The following DSP variants were observed in gnomAD, a reference collection of about 807,000 sequenced individuals.
The protein encoded by DSP is desmoplakin.
Under a neutral mutation model 290.6 loss-of-function variants are expected in DSP, and 114 were observed. That is an observed-to-expected ratio of 0.39 (90% CI 0.34 to 0.46). DSP has a LOEUF of 0.46. DSP is among the 20% of genes least tolerant of loss of function. The pLI is 0.99. For missense variants in DSP, 3,230 were observed against 3,495.8 expected (o/e 0.92, Z 1.92); for synonymous variants, 1,311 against 1,316.4 (o/e 1.00, Z 0.09).
intron 1 of DSP, among the ~76,000 whole-genome samples, chr6:7,554,825 T>C (rs1758458552): frequency 6.9e-6 from 1 of 144,806 alleles, no homozygotes; most frequent in Non-Finnish European, 1.5e-5. Context: ...AAAAACAATC[T>C]TTTTTTTTTT....
chr6:7,568,454 C>T lies in DSP; in HGVS notation c.1284C>T (p.Ile428=), dbSNP rs867843559. The T allele has an allele frequency of 6.2e-7, 1 of 1,614,070 alleles. No homozygotes were observed. The highest frequency in any genetic ancestry group is 8.5e-7 in the Non-Finnish European group (1 of 1,180,018). The change falls in exon 11 of 24, where the codon ATC becomes ATT. Residue 428 remains isoleucine (I), a synonymous_variant. Coordinates refer to ENST00000379802, the MANE Select transcript of DSP (RefSeq NM_004415.4). ...IKELEKEREK[I]LEYKRQVQNL... is the part of the protein sequence containing the mutation. ...CATTGCAGAAAGAACGAGAGAAAAT[C>T]CTTGAATACAAGCGTCAGGTGCAGA...
chr6:7,565,661 C>T lies in DSP; in HGVS notation c.939+141C>T. The T allele has an allele frequency of 8.4e-7, 1 of 1,191,510 alleles. No homozygotes were observed. 73.8% of individuals were successfully genotyped at this position (1,191,510 alleles called of 1,614,324 possible). On this transcript the variant is annotated intron_variant, in intron 7 of 23. Coordinates refer to ENST00000379802, the MANE Select transcript of DSP (RefSeq NM_004415.4). The surrounding 1 kb of genome is among the most constrained non-coding windows in gnomAD (Gnocchi z 4.2). ...CTTCTTTGAAATGGTCGTGAAAAAT[C>T]CTTCCTTCCTGAAAACTTCTCCGTG...
chr6:7,577,575 G>T (rs1025675925), intron 20 of DSP, among the ~76,000 whole-genome samples: 3 of 152,106 alleles, frequency 2.0e-5, no homozygotes, highest in Non-Finnish European at 2.9e-5. Flanking sequence ...GGATCTGCCC[G>T]GCTCGGCCTC....
intron 2 of DSP, 141 bp downstream of exon 2, chr6:7,555,961 C>CA (rs1458700613): frequency 3.1e-5 from 23 of 746,888 alleles, no homozygotes; most frequent in Non-Finnish European, 4.9e-5. Flanking sequence ...GAACAGACTA[C>CA]AGAGAGATGT....
At chr6:7,576,505 T>C in intron 19 of DSP, 49 bp downstream of exon 19, 2 of 1,608,018 alleles carry the variant, frequency 1.2e-6, no homozygotes, top group Non-Finnish European at 8.5e-7. Flanking sequence ...TAATTGGGTG[T>C]AATTCATGTT....
chr6:7,548,396 G>A (rs1377427632), intron 1 of DSP, among the ~76,000 whole-genome samples: 1 of 152,196 alleles, frequency 6.6e-6, no homozygotes, highest in Non-Finnish European at 1.5e-5. Flanking sequence ...CCAGGAGGGG[G>A]GTGTTCTACC....
Position 7,582,871 on chromosome 6 carries a change from A to G in DSP, c.5609A>G (p.Gln1870Arg), listed in dbSNP as rs769248361. Reference protein sequence around the residue: ...IQNDLNQWKTQYSRKEEAIRK... With the variant: ...IQNDLNQWKTRYSRKEEAIRK... Reference sequence around the variant, plus strand: ...AATGACCTGAATCAGTGGAAGACTCAATATTCCCGCAAGGAGGAGGCTATT... The same window carrying G: ...AATGACCTGAATCAGTGGAAGACTCGATATTCCCGCAAGGAGGAGGCTATT... The change falls in exon 24 of 24, where the codon CAA (glutamine) becomes CGA (arginine). Residue 1870 changes from glutamine to arginine, a missense_variant. By Grantham distance (43) the Gln-to-Arg change is conservative (BLOSUM62 1). Around this residue, in one of 5 missense-constraint regions of DSP, gnomAD observed 1,714 missense variants for 1,844.5 expected, o/e 0.93. Transcript: ENST00000379802. The surrounding 1 kb of genome is among the most constrained non-coding windows in gnomAD (Gnocchi z 4.2). 5.6e-6 allele frequency: 9 copies of G among 1,614,190 alleles called. No homozygotes were observed. The highest frequency in any genetic ancestry group is 7.6e-6 in the Non-Finnish European group (9 of 1,180,036).
chr6:7,577,315 A>T (rs1286266119), intron 20 of DSP, among the ~76,000 whole-genome samples: 1 of 151,590 alleles, frequency 6.6e-6, no homozygotes, highest in Non-Finnish European at 1.5e-5. Context: ...GCTTGGTTTA[A>T]TAATGGTGTT....
chr6:7,567,665 T>G (rs1196305381), intron 9 of DSP, 116 bp from the exon 10 acceptor site: 13 of 1,521,198 alleles, frequency 8.5e-6, no homozygotes, highest in African/African-American at 1.4e-5. Flanking sequence ...ACGAATTTTT[T>G]CCTTTAGCCA....
rs755395389 is a variant in DSP, at chr6:7,585,684, G to A, written c.8422G>A (p.Val2808Met). 6.2e-7 allele frequency: 1 copy of A among 1,614,206 alleles called. No individual in the cohort carries two copies. Among genetic ancestry groups the A allele is most frequent in the Non-Finnish European group, 8.5e-7 (1 of 1,180,030 alleles). Residue 2808 changes from valine (V) to methionine (M), a missense_variant, in exon 24 of 24, where the codon GTG becomes ATG. By Grantham distance (21) the Val-to-Met change is conservative. Around this residue, in one of 5 missense-constraint regions of DSP, gnomAD observed 582 missense variants for 555.4 expected, o/e 1.05. Transcript: ENST00000379802. Reference sequence around the variant, plus strand: ...GCTGCGCCTTCTGGAAGCCGCCTCCGTGTCGTCCAAGGGCTTACCCAGCCC... The same window carrying A: ...GCTGCGCCTTCTGGAAGCCGCCTCCATGTCGTCCAAGGGCTTACCCAGCCC... ...TGLRLLEAASVSSKGLPSPYN... is the reference protein window; with the variant it reads ...TGLRLLEAASMSSKGLPSPYN...
At chr6:7,555,002 A>T (rs12203720) in intron 1 of DSP, among the ~76,000 whole-genome samples, 21,441 of 152,034 alleles carry the variant, frequency 0.14, 1,628 homozygotes, top group Non-Finnish European at 0.16. Context: ...CCTTTCCTTC[A>T]GCCCGACTTG....
chr6:7,582,901 A>G lies in DSP; in HGVS notation c.5639A>G (p.Lys1880Arg), dbSNP rs1467248622. The change falls in exon 24 of 24, where the codon AAG becomes AGG. Residue 1880 changes from lysine to arginine, a missense_variant. Coordinates refer to ENST00000379802, the MANE Select transcript of DSP (RefSeq NM_004415.4). The surrounding 1 kb of genome is among the most constrained non-coding windows in gnomAD (Gnocchi z 4.2). ...TCCCGCAAGGAGGAGGCTATTAGGA[A>G]GATAGAATCGGAAAGAGAAAAGAGT... ...QYSRKEEAIR[K>R]IESEREKSER... 6.2e-7 allele frequency: 1 copy of G among 1,614,128 alleles called. No homozygotes were observed. The highest frequency in any genetic ancestry group is 2.2e-5 in the East Asian group (1 of 44,872).
intron 3 of DSP, among the ~76,000 whole-genome samples, chr6:7,558,748 A>C (rs1029270382): frequency 8.5e-5 from 13 of 152,250 alleles, no homozygotes; most frequent in African/African-American, 3.1e-4. Flanking sequence ...TCCTAGGCTC[A>C]AGCAATCCTC....
rs1387471022 is a variant in DSP, at chr6:7,581,546, A to G, written c.5356A>G (p.Lys1786Glu). 1 of 1,613,888 alleles carries G rather than the reference A, an allele frequency of 6.2e-7. No homozygotes were observed. The highest frequency in any genetic ancestry group is 2.2e-5 in the East Asian group (1 of 44,882). Reference protein sequence around the residue: ...ERENLRQEIEKFQKQALEASN... With the variant: ...ERENLRQEIEEFQKQALEASN... ...GGAAAATTTGAGACAGGAAATTGAG[A>G]AATTCCAAAAGCAGGCTTTAGAGGT... Residue 1786 changes from lysine to glutamate, a missense_variant, in exon 23 of 24, where the codon AAA becomes GAA. Lys to Glu is a moderately conservative substitution (Grantham distance 56). Around this residue, in one of 5 missense-constraint regions of DSP, gnomAD observed 1,714 missense variants for 1,844.5 expected, o/e 0.93. Transcript: ENST00000379802.
Position 7,584,329 on chromosome 6 carries a change from A to C in DSP, c.7067A>C (p.Lys2356Thr), listed in dbSNP as rs773253790. The C allele has an allele frequency of 1.2e-6, 2 of 1,614,212 alleles. No homozygotes were observed. Among genetic ancestry groups the C allele is most frequent in the Non-Finnish European group, 1.7e-6 (2 of 1,180,046 alleles). The change falls in exon 24 of 24, where the codon AAG becomes ACG. Residue 2356 changes from lysine to threonine, a missense_variant. Physicochemically the swap from Lys to Thr is moderately conservative, Grantham distance 78. Coordinates refer to ENST00000379802, the MANE Select transcript of DSP (RefSeq NM_004415.4). This position sits in a 1 kb window ranked among gnomAD's most constrained non-coding sequence, Gnocchi z 6.4. ...NIISLFQAMN[K>T]ELIEKGHGIR... is the part of the protein sequence containing the mutation. ...ATCTCTTTGTTCCAAGCCATGAATA[A>C]GGAACTCATCGAAAAGGGCCACGGT...
intron 1 of DSP, among the ~76,000 whole-genome samples, chr6:7,543,393 C>CTT (rs397886749): frequency 2.7e-3 from 217 of 80,000 alleles, no homozygotes; most frequent in South Asian, 5.9e-3. Context: ...TCTATTTTCG[C>CTT]TTTTTTTTTT....
Position 7,583,604 on chromosome 6 carries a change from TTTGA to T in DSP, c.6348_6351del (p.Asp2117GlufsTer17), listed in dbSNP as rs1759527886. ...CTGTTTCAGAAGCCATCAAGAAAAA[TTTGA>T]TTGATAGAGAAACCGGAATGCGCCT... is the stretch of plus-strand genomic sequence containing the variant. On this transcript the variant is annotated frameshift_variant, in exon 24 of 24. Coordinates refer to ENST00000379802, the MANE Select transcript of DSP (RefSeq NM_004415.4). LOFTEE classifies it high-confidence loss of function. This position sits in a 1 kb window ranked among gnomAD's most constrained non-coding sequence, Gnocchi z 4.0. The T allele has an allele frequency of 1.9e-6, 3 of 1,613,670 alleles. No homozygotes were observed. The highest frequency in any genetic ancestry group is 1.7e-5 in the Admixed American group (1 of 59,960).
intron 2 of DSP, among the ~76,000 whole-genome samples, chr6:7,557,320 G>A (rs557460173): frequency 3.0e-4 from 46 of 152,266 alleles, no homozygotes; most frequent in African/African-American, 9.4e-4. Flanking sequence ...TGATTATAGC[G>A]CATCATCAAA....
Position 7,565,838 on chromosome 6 carries a change from G to A in DSP, c.939+318G>A. On this transcript the variant is annotated intron_variant, in intron 7 of 23. Coordinates refer to ENST00000379802, the MANE Select transcript of DSP (RefSeq NM_004415.4). The surrounding 1 kb of genome is among the most constrained non-coding windows in gnomAD (Gnocchi z 4.2). ...GCCTTTCGGAGGGCAGAGGGTGGAGGTGGAAGGAGGGAGAGGATCAGGCAA... is the reference window on the plus strand; with the variant it reads ...GCCTTTCGGAGGGCAGAGGGTGGAGATGGAAGGAGGGAGAGGATCAGGCAA... 4.9e-6 allele frequency: 2 copies of A among 406,478 alleles called. No homozygotes were observed. Among genetic ancestry groups the A allele is most frequent in the South Asian group, 2.1e-5 (1 of 47,200 alleles). 25.2% of individuals were successfully genotyped at this position (406,478 alleles called of 1,614,324 possible).
Sources: allele counts gnomAD v4.1 joint callset (sites outside exome capture counted in the v4.1 genomes callset), GRCh38; gene constraint gnomAD v4.1.1; regional missense constraint gnomAD v4.1.1; non-coding constraint Gnocchi (gnomAD v3.1); transcripts MANE v1.5; gene names NCBI Gene and HGNC (gene_info 2026-07-23, HGNC 2026-07-21).